Variants in CHD7 observed in about 807,000 individuals in gnomAD.
CHD7 encodes ATP-dependent chromatin remodeler CHD7.
A neutral mutation model predicts 307.3 loss-of-function variants in CHD7; 24 were observed. That is an observed-to-expected ratio of 0.08 (90% CI 0.06 to 0.11). The LOEUF (loss-of-function observed/expected upper bound fraction) is 0.11, where lower values mean the gene tolerates loss of function less well. Ranked by LOEUF, CHD7 falls within the 10% of genes least tolerant of loss-of-function variation. The probability of loss-of-function intolerance (pLI) is 1.00; values close to 1 mark genes in which losing one functional copy is unlikely to be tolerated. For missense variants in CHD7, 3,106 were observed against 3,727.1 expected, an observed-to-expected ratio of 0.83 and a Z score of 4.34; for synonymous variants, 1,363 against 1,349.9, an observed-to-expected ratio of 1.01 and a Z score of -0.21.
intron 1 of CHD7, among the ~76,000 whole-genome samples, chr8:60,732,475 C>T (rs976307291): frequency 1.3e-5 from 2 of 152,220 alleles, no homozygotes; most frequent in African/African-American, 4.8e-5. Flanking sequence ...GGTCCCCAGA[C>T]AGAGCATGGC....
chr8:60,705,976 G>A (rs1807004619), intron 1 of CHD7, among the ~76,000 whole-genome samples: 3 of 152,144 alleles, frequency 2.0e-5, no homozygotes, highest in Admixed American at 2.0e-4. Flanking sequence ...CCAAGCACAT[G>A]CATATAGTAG....
intron 2 of CHD7, among the ~76,000 whole-genome samples, chr8:60,765,536 A>T (rs1318239533): frequency 6.6e-6 from 1 of 152,238 alleles, no homozygotes; most frequent in Non-Finnish European, 1.5e-5. Context: ...TTGAAGGTTG[A>T]GTAGGAATTA....
chr8:60,799,631 A>G (rs552901308), intron 4 of CHD7, among the ~76,000 whole-genome samples: 2 of 152,340 alleles, frequency 1.3e-5, no homozygotes, highest in Admixed American at 6.5e-5. Context: ...CAATATTTGT[A>G]TAGAACTTTG....
intron 4 of CHD7, 141 bp downstream of exon 4, chr8:60,795,268 C>T (rs1811967485): frequency 3.8e-6 from 3 of 795,754 alleles, no homozygotes; most frequent in Non-Finnish European, 3.8e-6. Context: ...ACATTATCTC[C>T]ATAGCGATGT....
At chr8:60,679,446 G>C (rs971177261) in intron 1 of CHD7, 7 of 144,610 alleles carry the variant, frequency 4.8e-5, no homozygotes, top group Admixed American at 2.7e-4. Flanking sequence ...CGTGGGGGGG[G>C]GGTACGGGGG....
chr8:60,743,242 AT>A, intron 2 of CHD7, 145 bp downstream of exon 2: 1 of 747,176 alleles, frequency 1.3e-6, no homozygotes, highest in Non-Finnish European at 2.3e-6. Context: ...TTATGCATTT[AT>A]TTTATTCAGG....
intron 1 of CHD7, among the ~76,000 whole-genome samples, chr8:60,703,825 C>G (rs938862882): frequency 6.6e-6 from 1 of 152,218 alleles, no homozygotes; most frequent in African/African-American, 2.4e-5. Context: ...CTCATAAACT[C>G]CTACCTCTCC....
chr8:60,763,172 A>G (rs945470201), intron 2 of CHD7, among the ~76,000 whole-genome samples: 4 of 152,244 alleles, frequency 2.6e-5, no homozygotes, highest in Non-Finnish European at 4.4e-5. Context: ...ATTAACTGTG[A>G]TATATTTCAT....
intron 1 of CHD7, among the ~76,000 whole-genome samples, chr8:60,727,375 C>T (rs576509258): frequency 5.9e-5 from 9 of 152,278 alleles, no homozygotes; most frequent in South Asian, 2.1e-4. Context: ...TGATCCCCCC[C>T]ACCTTGGCCT....
intron 2 of CHD7, among the ~76,000 whole-genome samples, chr8:60,749,769 A>G (rs1307250986): frequency 1.3e-5 from 2 of 152,220 alleles, no homozygotes; most frequent in East Asian, 1.9e-4. Context: ...GCTGTGGCCC[A>G]CTGCTAGTTC....
At chr8:60,757,095 TG>T (rs1199271264) in intron 2 of CHD7, among the ~76,000 whole-genome samples, 2 of 152,176 alleles carry the variant, frequency 1.3e-5, no homozygotes, top group East Asian at 3.9e-4. Flanking sequence ...CTGCTGGGAT[TG>T]GGGCCTTAAA....
chr8:60,864,539 A>G (rs1289167157), intron 37 of CHD7: 1 of 179,704 alleles, frequency 5.6e-6, no homozygotes, highest in African/African-American at 2.4e-5. Flanking sequence ...CACACAGTGC[A>G]TAATGATCAT....
rs1434688374 is a variant in CHD7 at position 60,851,071 on chromosome 8, A to G, written c.5574A>G (p.Lys1858=). The G allele has an allele frequency of 5.1e-6, 8 of 1,574,882 alleles. No individual in the cohort carries two copies. The highest frequency in any genetic ancestry group is 5.2e-6 in the Non-Finnish European group (6 of 1,158,892). ...FDREDEDPEY[K]PTRTPFKDEI... is the part of the protein sequence containing the mutation. ...GAGAAGATGAAGACCCAGAATATAA[A>G]CCAACCAGAACACCGTTCAAAGATG... Residue 1858 remains lysine (K), a synonymous_variant, in exon 27 of 38, where the codon AAA becomes AAG. Coordinates refer to ENST00000423902, the MANE Select transcript of CHD7 (RefSeq NM_017780.4).
intron 1 of CHD7, among the ~76,000 whole-genome samples, chr8:60,681,067 T>C (rs1805602456): frequency 6.6e-6 from 1 of 152,056 alleles, no homozygotes; most frequent in Admixed American, 6.6e-5. Flanking sequence ...AGGGAGGGAG[T>C]ACTCAGTATA....
At chr8:60,860,822 A>T in intron 34 of CHD7, 82 bp from the exon 35 acceptor site, 2 of 986,712 alleles carry the variant, frequency 2.0e-6, no homozygotes, top group Non-Finnish European at 3.1e-6. Flanking sequence ...GATCCATTCT[A>T]GGATAGCGTT....
intron 1 of CHD7, among the ~76,000 whole-genome samples, chr8:60,706,071 A>AT (rs879377014): frequency 1.2e-3 from 182 of 146,290 alleles, no homozygotes; most frequent in African/African-American, 1.7e-3. Context: ...AAAAGGATAC[A>AT]TTTTTTTTTT....
rs749679283 is a variant in CHD7, at chr8:60,795,072, A to G, written c.2183A>G (p.Asp728Gly). 1.9e-6 allele frequency: 3 copies of G among 1,613,952 alleles called. No individual in the cohort carries two copies. The highest frequency in any genetic ancestry group is 1.3e-5 in the African/African-American group (1 of 75,050). Residue 728 changes from aspartate to glycine, a missense_variant, in exon 4 of 38, where the codon GAC (aspartate) becomes GGC (glycine). By Grantham distance (94) the Asp-to-Gly change is moderately conservative (BLOSUM62 -1). Coordinates refer to ENST00000423902, the MANE Select transcript of CHD7 (RefSeq NM_017780.4). The part of the protein sequence containing the change: ...KTEGSENSDL[D>G]KTPPPSPPPE... Reference sequence around the variant, plus strand: ...GAAGGTTCTGAAAATTCAGACTTAGACAAAACACCCCCACCATCTCCTCCT... The same window carrying G: ...GAAGGTTCTGAAAATTCAGACTTAGGCAAAACACCCCCACCATCTCCTCCT...
chr8:60,798,522 A>G (rs1812140272), intron 4 of CHD7, among the ~76,000 whole-genome samples: 1 of 152,194 alleles, frequency 6.6e-6, no homozygotes, highest in African/African-American at 2.4e-5. Context: ...ATTAAAATCA[A>G]TCAGTCCCAC....
rs75093230 is a variant in CHD7 at position 60,733,955 on chromosome 8, A to C, written c.-174-7304A>C. On this transcript the variant is annotated intron_variant, in intron 1 of 37. Transcript: ENST00000423902. ...ACAAATGATTGGCAAACAGATGGGCATATCTTTAAAATTAAACCATCTTTA... is the reference window on the plus strand; with the variant it reads ...ACAAATGATTGGCAAACAGATGGGCCTATCTTTAAAATTAAACCATCTTTA... Among the ~76,000 whole-genome samples the C allele has an allele frequency of 4.8e-3, 726 of 152,348 alleles. 2 individuals are homozygous for C. The highest frequency in any genetic ancestry group is 0.016 in the African/African-American group (683 of 41,578).
Sources: gnomAD v4.1 joint callset for allele counts (sites outside exome capture counted in the v4.1 genomes callset) on GRCh38, gnomAD v4.1.1 for gene constraint, MANE v1.5 for transcripts, NCBI Gene and HGNC (gene_info 2026-07-23, HGNC 2026-07-21) for gene names.